HS3ST5: variants seen among roughly 807,000 people sequenced by gnomAD.
HS3ST5 encodes the protein heparan sulfate-glucosamine 3-sulfotransferase 5.
Under a neutral mutation model 25.4 loss-of-function variants are expected in HS3ST5, and 10 were observed. The observed-to-expected ratio is 0.39, with a 90% CI of 0.24 to 0.67. HS3ST5 has a LOEUF of 0.67. Ranked by LOEUF, HS3ST5 falls within the 30% of genes least tolerant of loss-of-function variation. The pLI is 0.44. For missense variants in HS3ST5, 324 were observed against 420.7 expected (o/e 0.77, Z 2.01); for synonymous variants, 170 against 162.4 (o/e 1.05, Z -0.36).
At chr6:114,250,945 A>G (rs1225485094) in intron 1 of HS3ST5, among the ~76,000 whole-genome samples, 1 of 152,224 alleles carries the variant, frequency 6.6e-6, no homozygotes, top group African/African-American at 2.4e-5. Flanking sequence ...TAAGTAAATG[A>G]AGGAGAAAAT....
At chr6:114,277,153 A>G (rs1381426948) in intron 1 of HS3ST5, among the ~76,000 whole-genome samples, 1 of 151,536 alleles carries the variant, frequency 6.6e-6, no homozygotes, top group Non-Finnish European at 1.5e-5. Flanking sequence ...TTTTCAGGTT[A>G]ACGTTTCAAA....
chr6:114,070,020 T>A (rs748157456), intron 3 of HS3ST5, among the ~76,000 whole-genome samples: 6 of 152,098 alleles, frequency 3.9e-5, no homozygotes, highest in Non-Finnish European at 1.5e-5. Context: ...AGTGGAGATT[T>A]CTGAGATTTT....
intron 1 of HS3ST5, chr6:114,340,647 C>T (rs1344247408): frequency 6.6e-6 from 1 of 152,144 alleles, no homozygotes; most frequent in African/African-American, 2.4e-5. Flanking sequence ...TCTTTAAAAA[C>T]TTCACTAGGA....
intron 1 of HS3ST5, among the ~76,000 whole-genome samples, chr6:114,274,872 G>A (rs148280169): frequency 1.9e-3 from 288 of 151,338 alleles, no homozygotes; most frequent in African/African-American, 6.8e-3. Context: ...CTTTGTGCTC[G>A]TTAGCACCTA....
intron 1 of HS3ST5, among the ~76,000 whole-genome samples, chr6:114,333,032 G>T (rs575181781): frequency 6.6e-6 from 1 of 152,242 alleles, no homozygotes; most frequent in South Asian, 2.1e-4. Context: ...CTGCAGGTTA[G>T]TAAGCAAGTG....
intron 1 of HS3ST5, among the ~76,000 whole-genome samples, chr6:114,238,481 G>T (rs987382615): frequency 1.3e-5 from 2 of 152,054 alleles, no homozygotes; most frequent in Non-Finnish European, 2.9e-5. Flanking sequence ...TCTTTAAAAA[G>T]ATTTTTTTTT....
chr6:114,178,454 T>C (rs1779820641), intron 2 of HS3ST5, among the ~76,000 whole-genome samples: 1 of 152,174 alleles, frequency 6.6e-6, no homozygotes. Context: ...CTTGCCTTCT[T>C]AATCCAAAGG....
intron 1 of HS3ST5, among the ~76,000 whole-genome samples, chr6:114,230,886 C>G (rs1038341390): frequency 1.3e-5 from 2 of 152,238 alleles, no homozygotes; most frequent in Admixed American, 1.3e-4. Flanking sequence ...CCGCGCCCGG[C>G]CCCTAAGACG....
At chr6:114,181,129 G>T (rs1052550062) in intron 2 of HS3ST5, among the ~76,000 whole-genome samples, 4 of 152,146 alleles carry the variant, frequency 2.6e-5, no homozygotes, top group African/African-American at 9.7e-5. Context: ...GTTCCTCAGG[G>T]ATTTCTTGAT....
At chr6:114,282,046 A>G (rs1051616148) in intron 1 of HS3ST5, 3 of 152,020 alleles carry the variant, frequency 2.0e-5, no homozygotes, top group Non-Finnish European at 4.4e-5. Context: ...GAAAGTATAT[A>G]CTGAAATAAT....
In HS3ST5 at chr6:114,132,785, C is replaced by T. The variant is rs889348096; in HGVS notation, c.-33+35566G>A. ...TTAGTAGGTCTGAAGGGGAGGCTAA[C>T]GGCTGGACCTTGAGGCTCCTGTCCC... On this transcript the variant is annotated intron_variant, in intron 3 of 4. Transcript: ENST00000312719. Among the ~76,000 whole-genome samples the T allele has an allele frequency of 4.3e-4, 66 of 152,182 alleles. 2 individuals are homozygous for T. Among genetic ancestry groups the T allele is most frequent in the South Asian group, 2.1e-4 (1 of 4,834 alleles).
intron 3 of HS3ST5, among the ~76,000 whole-genome samples, chr6:114,076,922 C>A (rs990496361): frequency 2.0e-5 from 3 of 152,078 alleles, no homozygotes; most frequent in Non-Finnish European, 4.4e-5. Context: ...CTATTTAGCT[C>A]TTTGTTTCTT....
In HS3ST5 at chr6:114,173,713, C is replaced by G. The variant is rs115885146; in HGVS notation, c.-144-5251G>C. On this transcript the variant is annotated intron_variant, in intron 2 of 4. Coordinates refer to ENST00000312719, the MANE Select transcript of HS3ST5 (RefSeq NM_153612.4). Reference sequence around the variant, plus strand: ...GTCTCTACTAAAAATATAAAAATTACTTGGACGTAGTCGCGGGTACCTGTA... The same window carrying G: ...GTCTCTACTAAAAATATAAAAATTAGTTGGACGTAGTCGCGGGTACCTGTA... Among the ~76,000 whole-genome samples, 1,485 of 151,936 alleles carry G rather than the reference C, an allele frequency of 9.8e-3. 23 individuals are homozygous for G. Among genetic ancestry groups the G allele is most frequent in the African/African-American group, 0.034 (1,398 of 41,436 alleles).
chr6:114,086,456 A>G (rs1264910500), intron 3 of HS3ST5, among the ~76,000 whole-genome samples: 2 of 152,208 alleles, frequency 1.3e-5, no homozygotes, highest in African/African-American at 2.4e-5. Context: ...TACAACCACA[A>G]GGAATTGGAT....
intron 1 of HS3ST5, among the ~76,000 whole-genome samples, chr6:114,325,153 T>A (rs1357132063): frequency 6.6e-6 from 1 of 152,210 alleles, no homozygotes. Flanking sequence ...TTGTTTATCA[T>A]CTTCAGTAAG....
intron 3 of HS3ST5, among the ~76,000 whole-genome samples, chr6:114,067,619 G>A (rs1267008117): frequency 6.6e-6 from 1 of 152,102 alleles, no homozygotes; most frequent in Non-Finnish European, 1.5e-5. Flanking sequence ...CCTTAAATGT[G>A]CCTACTGAGG....
chr6:114,179,654 G>GTTTTTTTTTTTTTTTTTTTT (rs5879251), intron 2 of HS3ST5, among the ~76,000 whole-genome samples: 1 of 91,634 alleles, frequency 1.1e-5, no homozygotes, highest in African/African-American at 4.2e-5. Flanking sequence ...ATTAGTCAGG[G>GTTTTTTTTTTTTTTTTTTTT]TTTTTTTTTT....
At chr6:114,099,991 C>T (rs1775641736) in intron 3 of HS3ST5, among the ~76,000 whole-genome samples, 1 of 152,116 alleles carries the variant, frequency 6.6e-6, no homozygotes. Context: ...TTCCTACAGT[C>T]TGAAGGAAAA....
intron 1 of HS3ST5, among the ~76,000 whole-genome samples, chr6:114,261,705 A>C (rs1476356410): frequency 6.6e-6 from 1 of 152,222 alleles, no homozygotes; most frequent in Non-Finnish European, 1.5e-5. Flanking sequence ...ATTCTTAACT[A>C]TTGATTAATA....
Sources: gnomAD v4.1 joint callset for allele counts (sites outside exome capture counted in the v4.1 genomes callset) on GRCh38, gnomAD v4.1.1 for gene constraint, MANE v1.5 for transcripts, NCBI Gene and HGNC (gene_info 2026-07-23, HGNC 2026-07-21) for gene names.